Variants in SLC24A2 observed in about 807,000 individuals in gnomAD.
SLC24A2 encodes the protein solute carrier family 24 member 2, also known as sodium/potassium/calcium exchanger 2.
In SLC24A2, 36 loss-of-function variants were observed where a neutral mutation model predicts 62.0. The observed-to-expected ratio is 0.58, with a 90% confidence interval of 0.44 to 0.77. The LOEUF is 0.77. Ranked by LOEUF, SLC24A2 falls within the 30% of genes least tolerant of loss-of-function variation. The pLI, the probability that SLC24A2 is intolerant of heterozygous loss-of-function variation, is 0.00. For missense variants in SLC24A2, 846 were observed against 817.9 expected, an observed-to-expected ratio of 1.03 and a Z score of -0.42; for synonymous variants, 358 against 294.0, an observed-to-expected ratio of 1.22 and a Z score of -2.23.
chr9:19,657,972 C>T (rs893822204), intron 2 of SLC24A2, among the ~76,000 whole-genome samples: 4 of 152,154 alleles, frequency 2.6e-5, no homozygotes, highest in Non-Finnish European at 5.9e-5. Context: ...CTTAAAATGT[C>T]CCTGATTCCT....
the SLC24A2 span, among the ~76,000 whole-genome samples, chr9:20,104,951 C>G: frequency 6.6e-6 from 1 of 152,088 alleles, no homozygotes; most frequent in South Asian, 2.1e-4. Flanking sequence ...TTCAGGAAAC[C>G]CATCTCATGT....
chr9:20,227,784 G>C, the SLC24A2 span, among the ~76,000 whole-genome samples: 92 of 152,210 alleles, frequency 6.0e-4, no homozygotes, highest in Admixed American at 1.3e-3. Context: ...TGTCTATTGG[G>C]ATAATTGCCA....
chr9:20,147,464 G>T, the SLC24A2 span, among the ~76,000 whole-genome samples: 1 of 152,082 alleles, frequency 6.6e-6, no homozygotes, highest in African/African-American at 2.4e-5. Flanking sequence ...CTTGATGTCT[G>T]AAAATTTGTT....
the SLC24A2 span, among the ~76,000 whole-genome samples, chr9:19,956,369 T>C: frequency 2.0e-5 from 3 of 152,234 alleles, no homozygotes; most frequent in African/African-American, 7.2e-5. Flanking sequence ...GCAAAATATT[T>C]GTGTCCCCCT....
At chr9:19,578,525 C>T (rs1394739322) in intron 5 of SLC24A2, among the ~76,000 whole-genome samples, 1 of 145,122 alleles carries the variant, frequency 6.9e-6, no homozygotes, top group African/African-American at 2.6e-5. Context: ...TCTCAAAACA[C>T]CACAACCCCT....
the SLC24A2 span, among the ~76,000 whole-genome samples, chr9:19,946,153 C>T: frequency 2.6e-5 from 4 of 152,292 alleles, no homozygotes; most frequent in East Asian, 3.9e-4. Context: ...TGAGCAAAGG[C>T]GGCCATCCCT....
the SLC24A2 span, among the ~76,000 whole-genome samples, chr9:20,056,948 T>A: frequency 9.9e-5 from 15 of 152,238 alleles, no homozygotes; most frequent in Non-Finnish European, 1.5e-5. Context: ...GAGAGAGATA[T>A]TTTCCTTAAC....
intron 7 of SLC24A2, among the ~76,000 whole-genome samples, chr9:19,569,052 T>C (rs901843652): frequency 2.6e-5 from 4 of 152,200 alleles, no homozygotes; most frequent in Admixed American, 2.6e-4. Context: ...ATGAAGAGCT[T>C]CTCATTCCTT....
At chr9:19,791,614 G>A (rs1225772818), upstream of SLC24A2, among the ~76,000 whole-genome samples, 1 of 152,190 alleles carries the variant, frequency 6.6e-6, no homozygotes. Flanking sequence ...GGTAGTAATG[G>A]AGAAAAGCAG....
chr9:19,586,460 C>A (rs1159958235), intron 5 of SLC24A2, among the ~76,000 whole-genome samples: 1 of 152,074 alleles, frequency 6.6e-6, no homozygotes, highest in African/African-American at 2.4e-5. Context: ...TTTAGGGGTA[C>A]AGAAGGAAGA....
intron 2 of SLC24A2, among the ~76,000 whole-genome samples, chr9:19,760,558 T>C: frequency 6.6e-6 from 1 of 151,754 alleles, no homozygotes; most frequent in Non-Finnish European, 1.5e-5. Context: ...GATGTTCCCC[T>C]CCCTATGCCC....
intron 2 of SLC24A2, among the ~76,000 whole-genome samples, chr9:19,674,202 T>A (rs1819500714): frequency 6.6e-6 from 1 of 152,216 alleles, no homozygotes; most frequent in Non-Finnish European, 1.5e-5. Flanking sequence ...GGCCCTGATC[T>A]ATTCTAGATT....
At chr9:20,220,420 T>G in the SLC24A2 span, among the ~76,000 whole-genome samples, 1 of 152,144 alleles carries the variant, frequency 6.6e-6, no homozygotes, top group Non-Finnish European at 1.5e-5. Flanking sequence ...TCTCACATAT[T>G]CAATCAGAGC....
chr9:19,816,264 C>G, the SLC24A2 span, among the ~76,000 whole-genome samples: 13 of 152,044 alleles, frequency 8.6e-5, no homozygotes, highest in Admixed American at 4.6e-4. Flanking sequence ...CTCCACTATC[C>G]CCTAGGATCT....
Position 19,684,162 on chromosome 9 carries a change from T to A in SLC24A2, c.931-61863A>T, listed in dbSNP as rs1819808599. ...CCTGCAGGGCCAATAAGCTCCAACT[T>A]TTTTTTACTGTTTTGTGACATTTCA... On this transcript the variant is annotated intron_variant, in intron 2 of 10. Transcript: ENST00000341998. 6.6e-5 allele frequency among the ~76,000 whole-genome samples: 10 copies of A among 151,410 alleles called. No homozygotes were observed. In the South Asian group the frequency reaches 1.9e-3, roughly 28 times the overall value.
At chr9:20,006,215 G>A in the SLC24A2 span, among the ~76,000 whole-genome samples, 1 of 151,350 alleles carries the variant, frequency 6.6e-6, no homozygotes, top group Non-Finnish European at 1.5e-5. Flanking sequence ...AAATAAAAAT[G>A]TATTCTAAAT....
chr9:19,727,873 T>C (rs768749934), intron 2 of SLC24A2, among the ~76,000 whole-genome samples: 5 of 152,192 alleles, frequency 3.3e-5, no homozygotes, highest in Non-Finnish European at 5.9e-5. Flanking sequence ...TTTCTATCTC[T>C]TTCTCAGAGG....
chr9:19,825,507 A>G, the SLC24A2 span, among the ~76,000 whole-genome samples: 1 of 152,132 alleles, frequency 6.6e-6, no homozygotes, highest in Admixed American at 6.5e-5. Context: ...GGACTCATTC[A>G]ATATGGGATA....
intron 8 of SLC24A2, among the ~76,000 whole-genome samples, chr9:19,542,673 T>C (rs1834334951): frequency 6.6e-6 from 1 of 152,260 alleles, no homozygotes; most frequent in African/African-American, 2.4e-5. Flanking sequence ...TGAAGGACTT[T>C]TCTGCATCTG....
Sources: gnomAD v4.1 joint callset for allele counts (sites outside exome capture counted in the v4.1 genomes callset) on GRCh38, gnomAD v4.1.1 for gene constraint, MANE v1.5 for transcripts, NCBI Gene and HGNC (gene_info 2026-07-23, HGNC 2026-07-21) for gene names.